CAPZB: variants seen among roughly 807,000 people sequenced by gnomAD.
The protein encoded by CAPZB is F-actin-capping protein subunit beta.
CAPZB carries 2 observed loss-of-function variants against 38.1 expected under a neutral mutation model. That is an observed-to-expected ratio of 0.05 (90% confidence interval 0.02 to 0.17). CAPZB has a LOEUF of 0.17. Among genes scored for constraint, CAPZB ranks in the 10% least tolerant of loss-of-function variants. The probability of loss-of-function intolerance (pLI) is 1.00; values close to 1 mark genes in which losing one functional copy is unlikely to be tolerated. For synonymous variants in CAPZB, 107 were observed against 127.4 expected (o/e 0.84, Z 1.08); for missense variants, 161 against 334.2 (o/e 0.48, Z 4.04).
chr1:19,433,460 G>A (rs2094448826), intron 1 of CAPZB, among the ~76,000 whole-genome samples: 1 of 152,166 alleles, frequency 6.6e-6, no homozygotes, highest in Non-Finnish European at 1.5e-5. Flanking sequence ...AAACCAAACA[G>A]ATTTATAAGA....
chr1:19,474,488 CA>C (rs2100791859), intron 1 of CAPZB, among the ~76,000 whole-genome samples: 1 of 152,276 alleles, frequency 6.6e-6, no homozygotes, highest in African/African-American at 2.4e-5. Context: ...TGCCTTCCAA[CA>C]AGCCCTATTT....
intron 1 of CAPZB, among the ~76,000 whole-genome samples, chr1:19,450,166 AAAAG>A (rs1291756243): frequency 6.7e-4 from 78 of 117,198 alleles, no homozygotes; most frequent in African/African-American, 1.1e-3. Context: ...AAAAAAAAAA[AAAAG>A]AAAAGAAAAG....
In CAPZB at chr1:19,338,961, G is replaced by GCCCCCCCCCCC. The variant is rs1375213240; in HGVS notation, c.*568_*569insGGGGGGGGGGG. 1.3e-5 allele frequency: 2 copies of GCCCCCCCCCCC among 149,182 alleles called. No homozygotes were observed. Among genetic ancestry groups the GCCCCCCCCCCC allele is most frequent in the African/African-American group, 2.5e-5 (1 of 40,636 alleles). The allele number at this position is 149,182 out of a possible 1,614,324, so 9.2% of individuals were successfully genotyped here. On this transcript the variant is annotated 3_prime_UTR_variant, in exon 9 of 9. Transcript: ENST00000264202. ...GGCCGGAAGAGCGGAACGGTCGGCG[G>GCCCCCCCCCCC]CACCCCCCCCAGCCCCCACCCCGCG... is the stretch of plus-strand genomic sequence containing the variant.
At chr1:19,421,636 A>G (rs2094401450) in intron 1 of CAPZB, among the ~76,000 whole-genome samples, 1 of 152,230 alleles carries the variant, frequency 6.6e-6, no homozygotes, top group Non-Finnish European at 1.5e-5. Flanking sequence ...CATGAGAGGA[A>G]ATTTTAACAC....
intron 4 of CAPZB, among the ~76,000 whole-genome samples, chr1:19,372,255 T>A (rs1028214583): frequency 1.3e-5 from 2 of 152,218 alleles, no homozygotes; most frequent in Admixed American, 6.5e-5. Flanking sequence ...AATTAACTTA[T>A]AAGGCCAATA....
intron 2 of CAPZB, among the ~76,000 whole-genome samples, chr1:19,405,539 G>A (rs1434827201): frequency 2.4e-5 from 2 of 84,638 alleles, no homozygotes; most frequent in African/African-American, 9.3e-5. Context: ...GCTAGAAAGA[G>A]GCAAAAAAAA....
At position 19,479,979 on chromosome 1, in the gene CAPZB, G is replaced by A. The variant is rs113111584; in HGVS notation, c.3+5457C>T. Among the ~76,000 whole-genome samples the A allele has an allele frequency of 6.0e-3, 907 of 152,172 alleles. 5 individuals carry two copies. Among genetic ancestry groups the A allele is most frequent in the African/African-American group, 0.02 (844 of 41,520 alleles). On this transcript the variant is annotated intron_variant, in intron 1 of 8. Transcript: ENST00000264202. The stretch of plus-strand genomic sequence containing the variant: ...ATACCCCACCCTGTCCTCTCTGCCT[G>A]AGCACACTCTTCCCAGGCTTCATGC...
chr1:19,388,164 A>C (rs184999520), intron 2 of CAPZB, among the ~76,000 whole-genome samples: 12 of 152,262 alleles, frequency 7.9e-5, no homozygotes, highest in African/African-American at 2.9e-4. Flanking sequence ...GCTTGACTCT[A>C]CTCCTATCCA....
chr1:19,363,515 T>C (rs1373892738), intron 4 of CAPZB, among the ~76,000 whole-genome samples: 1 of 152,114 alleles, frequency 6.6e-6, no homozygotes. Context: ...AGATTCTATG[T>C]CCGTAACTTT....
At chr1:19,449,025 C>T in intron 1 of CAPZB, 4 of 1,523,724 alleles carry the variant, frequency 2.6e-6, no homozygotes, top group Admixed American at 4.0e-5. Flanking sequence ...CTGCTCGCTG[C>T]CCGCTCCTGA....
intron 2 of CAPZB, among the ~76,000 whole-genome samples, chr1:19,408,504 G>C (rs1157682500): frequency 6.6e-6 from 1 of 152,186 alleles, no homozygotes; most frequent in Non-Finnish European, 1.5e-5. Context: ...CTGTGGGCTG[G>C]AGTATCTGCT....
chr1:19,358,098 C>A (rs532159119), intron 4 of CAPZB, among the ~76,000 whole-genome samples: 1 of 152,218 alleles, frequency 6.6e-6, no homozygotes, highest in African/African-American at 2.4e-5. Flanking sequence ...CAGCTTGAGA[C>A]AGTGCTTCCT....
At chr1:19,388,194 G>A (rs772699475) in intron 2 of CAPZB, among the ~76,000 whole-genome samples, 17 of 152,188 alleles carry the variant, frequency 1.1e-4, no homozygotes, top group Non-Finnish European at 2.1e-4. Flanking sequence ...TCTATGAATC[G>A]AAAGCATCTG....
chr1:19,431,446 T>TTA (rs2100579403), intron 1 of CAPZB, among the ~76,000 whole-genome samples: 1 of 152,314 alleles, frequency 6.6e-6, no homozygotes, highest in Admixed American at 6.5e-5. Context: ...ATGCCTGTAA[T>TTA]CCCAGCACTT....
intron 1 of CAPZB, among the ~76,000 whole-genome samples, chr1:19,459,609 G>C (rs906922583): frequency 7.2e-5 from 11 of 152,118 alleles, no homozygotes; most frequent in Non-Finnish European, 1.3e-4. Context: ...CTGTGGGCCG[G>C]GCACTGTGCT....
In CAPZB at chr1:19,406,971, C is replaced by T. The variant is rs115085624; in HGVS notation, c.93+12690G>A. Among the ~76,000 whole-genome samples, 455 of 152,274 alleles carry T rather than the reference C, an allele frequency of 3.0e-3. 3 individuals are homozygous for T. The highest frequency in any genetic ancestry group is 0.027 in the South Asian group (128 of 4,830). On this transcript the variant is annotated intron_variant, in intron 2 of 8. Coordinates refer to ENST00000264202, the MANE Select transcript of CAPZB (RefSeq NM_004930.5). ...AGGCTCAGTGGTCACACAGCTAAGA[C>T]GTGGTAAAGACAAGAGCTGAACAGG...
At position 19,344,401 on chromosome 1, in the gene CAPZB, C is replaced by T; in HGVS notation, c.688G>A (p.Glu230Lys). ...TCCTTTGTTTTTCCAAAGTAGATCT[C>T]GTTCAGCGTACTTCTGATTTTATTT... is the stretch of plus-strand genomic sequence containing the variant. The part of the protein sequence containing the change: ...MENKIRSTLN[E>K]IYFGKTKDIV... The change falls in exon 8 of 9, where the codon GAG becomes AAG. Residue 230 changes from glutamate (E) to lysine (K), a missense_variant. Transcript: ENST00000264202. 1 of 1,614,130 alleles carries T rather than the reference C, an allele frequency of 6.2e-7. No homozygotes were observed. The highest frequency in any genetic ancestry group is 8.5e-7 in the Non-Finnish European group (1 of 1,179,976).
At chr1:19,344,277 G>T in intron 8 of CAPZB, 81 bp downstream of exon 8, 2 of 1,126,644 alleles carry the variant, frequency 1.8e-6, no homozygotes, top group South Asian at 2.5e-5. Context: ...CGAGGCCCAA[G>T]ACCACACAGC....
At chr1:19,342,215 G>C (rs2093933057) in intron 8 of CAPZB, among the ~76,000 whole-genome samples, 1 of 152,228 alleles carries the variant, frequency 6.6e-6, no homozygotes, top group South Asian at 2.1e-4. Flanking sequence ...GGCCAGCCAG[G>C]GTGGAGTCCA....
Sources: gnomAD v4.1 joint callset for allele counts (sites outside exome capture counted in the v4.1 genomes callset) on GRCh38, gnomAD v4.1.1 for gene constraint, MANE v1.5 for transcripts, NCBI Gene and HGNC (gene_info 2026-07-23, HGNC 2026-07-21) for gene names.